PTPRD: variants seen among roughly 807,000 people sequenced by gnomAD.
PTPRD encodes protein tyrosine phosphatase receptor type D.
In PTPRD, 34 loss-of-function variants were observed where a neutral mutation model predicts 214.5. That is an observed-to-expected ratio of 0.16 (90% CI 0.12 to 0.21). The LOEUF is 0.21. Ranked by LOEUF, PTPRD falls within the 10% of genes least tolerant of loss-of-function variation. The probability of loss-of-function intolerance (pLI) is 1.00; values close to 1 mark genes in which losing one functional copy is unlikely to be tolerated. For synonymous variants in PTPRD, 1,128 were observed against 845.7 expected, an observed-to-expected ratio of 1.33 and a Z score of -5.79; for missense variants, 2,545 against 2,398.7, an observed-to-expected ratio of 1.06 and a Z score of -1.27.
chr9:8,778,271 T>G (rs1205710448), intron 11 of PTPRD, among the ~76,000 whole-genome samples: 1 of 152,192 alleles, frequency 6.6e-6, no homozygotes, highest in East Asian at 1.9e-4. Flanking sequence ...TAATAAAGAT[T>G]ATTCCCTTCT....
chr9:10,112,100 C>T (rs777856792), intron 3 of PTPRD, among the ~76,000 whole-genome samples: 2 of 152,164 alleles, frequency 1.3e-5, no homozygotes, highest in Non-Finnish European at 1.5e-5. Context: ...AGGGAAGAAG[C>T]ATGCCAGATT....
At chr9:10,558,253 C>T (rs920850322) in intron 2 of PTPRD, among the ~76,000 whole-genome samples, 1 of 152,092 alleles carries the variant, frequency 6.6e-6, no homozygotes, top group African/African-American at 2.4e-5. Flanking sequence ...ATTGAAGTAT[C>T]ACCATTTATC....
intron 2 of PTPRD, among the ~76,000 whole-genome samples, chr9:10,580,743 A>G (rs2071439092): frequency 6.6e-6 from 1 of 152,200 alleles, no homozygotes; most frequent in Admixed American, 6.5e-5. Flanking sequence ...ACAGAGACAA[A>G]GTGATTGCAC....
intron 10 of PTPRD, among the ~76,000 whole-genome samples, chr9:9,069,509 A>T (rs1371202450): frequency 6.6e-6 from 1 of 152,210 alleles, no homozygotes; most frequent in Non-Finnish European, 1.5e-5. Context: ...GTGAGCACAG[A>T]CTCAAAGCAA....
intron 8 of PTPRD, among the ~76,000 whole-genome samples, chr9:9,438,842 C>T (rs1332236577): frequency 6.6e-6 from 1 of 152,034 alleles, no homozygotes; most frequent in East Asian, 1.9e-4. Context: ...CTAAATTGAA[C>T]ATAAATGTAT....
At chr9:9,375,915 TA>T (rs1362650429) in intron 9 of PTPRD, among the ~76,000 whole-genome samples, 2 of 152,114 alleles carry the variant, frequency 1.3e-5, no homozygotes, top group African/African-American at 2.4e-5. Flanking sequence ...ATGGCACACT[TA>T]AAAATCGGTA....
chr9:8,683,173 A>C (rs1388813928), intron 12 of PTPRD, among the ~76,000 whole-genome samples: 1 of 152,198 alleles, frequency 6.6e-6, no homozygotes, highest in Non-Finnish European at 1.5e-5. Flanking sequence ...TGAGTGCCAC[A>C]CACAAAGCTG....
intron 11 of PTPRD, among the ~76,000 whole-genome samples, chr9:8,951,160 A>AGTGTGTGTGTGTGTGT (rs746693477): frequency 3.0e-3 from 60 of 20,006 alleles, no homozygotes; most frequent in African/African-American, 5.2e-3. Flanking sequence ...TGTGTGTGTA[A>AGTGTGTGTGTGTGTGT]GAGAGAGAGA....
intron 7 of PTPRD, among the ~76,000 whole-genome samples, chr9:9,611,163 G>A (rs1020169497): frequency 6.6e-6 from 1 of 152,080 alleles, no homozygotes; most frequent in African/African-American, 2.4e-5. Context: ...TATTTAGGTT[G>A]TCTTCAAATT....
At chr9:9,862,787 G>A (rs1007261539) in intron 5 of PTPRD, among the ~76,000 whole-genome samples, 1 of 152,068 alleles carries the variant, frequency 6.6e-6, no homozygotes, top group African/African-American at 2.4e-5. Context: ...GTATGTATTG[G>A]ATTTTTAAGA....
chr9:8,625,347 T>C (rs1016472531), intron 14 of PTPRD, among the ~76,000 whole-genome samples: 3 of 151,850 alleles, frequency 2.0e-5, no homozygotes, highest in East Asian at 1.9e-4. Flanking sequence ...CTTAATTTTC[T>C]AGTTGACCAG....
At chr9:9,857,046 C>A (rs2061688999) in intron 5 of PTPRD, among the ~76,000 whole-genome samples, 1 of 152,156 alleles carries the variant, frequency 6.6e-6, no homozygotes. Flanking sequence ...ACTTTGGTTA[C>A]AGCCCTCAAA....
chr9:9,770,248 C>T (rs1334423396), intron 5 of PTPRD, among the ~76,000 whole-genome samples: 1 of 152,210 alleles, frequency 6.6e-6, no homozygotes, highest in East Asian at 1.9e-4. Flanking sequence ...GTTCCTATTT[C>T]TCCACATACT....
At chr9:9,013,166 A>G (rs145264261) in intron 11 of PTPRD, among the ~76,000 whole-genome samples, 5 of 152,104 alleles carry the variant, frequency 3.3e-5, no homozygotes, top group African/African-American at 1.2e-4. Flanking sequence ...TGTTTTTTCA[A>G]TATCTGAGGC....
intron 8 of PTPRD, among the ~76,000 whole-genome samples, chr9:9,487,894 G>C (rs2095719263): frequency 6.6e-6 from 1 of 152,106 alleles, no homozygotes; most frequent in South Asian, 2.1e-4. Context: ...AAGTGATGTG[G>C]AAAATGCACA....
rs150009458 is a variant in PTPRD, at chr9:8,439,105, T to C, written c.3989-2416A>G. On this transcript the variant is annotated intron_variant, in intron 34 of 45. Transcript: ENST00000381196. The stretch of plus-strand genomic sequence containing the variant: ...CTTATCATTGGATACCATATTGCAC[T>C]CCATTTCTAAGACAAGTAAAAATGG... Among the ~76,000 whole-genome samples the C allele has an allele frequency of 6.5e-4, 99 of 152,282 alleles. 1 individual carries two copies. Among genetic ancestry groups the C allele is most frequent in the African/African-American group, 2.2e-3 (92 of 41,554 alleles).
At chr9:9,893,558 G>A (rs766622232) in intron 5 of PTPRD, among the ~76,000 whole-genome samples, 12 of 152,134 alleles carry the variant, frequency 7.9e-5, no homozygotes, top group Non-Finnish European at 1.0e-4. Context: ...TATAATTCAT[G>A]TAATGGTTAA....
At chr9:8,830,834 C>T (rs965718312) in intron 11 of PTPRD, among the ~76,000 whole-genome samples, 2 of 152,030 alleles carry the variant, frequency 1.3e-5, no homozygotes, top group African/African-American at 2.4e-5. Context: ...ATCCCAAAAC[C>T]CTACTAGAGT....
At chr9:10,300,058 T>C (rs1386594601) in intron 3 of PTPRD, among the ~76,000 whole-genome samples, 1 of 152,198 alleles carries the variant, frequency 6.6e-6, no homozygotes, top group Non-Finnish European at 1.5e-5. Context: ...ATAATTCCCA[T>C]TTTAAAAGTT....
Sources: allele counts gnomAD v4.1 joint callset (sites outside exome capture counted in the v4.1 genomes callset), GRCh38; gene constraint gnomAD v4.1.1; transcripts MANE v1.5; gene names NCBI Gene and HGNC (gene_info 2026-07-23, HGNC 2026-07-21).